ZNF418: variants seen among roughly 807,000 people sequenced by gnomAD.
ZNF418 encodes the protein zinc finger protein 418.
Under a neutral mutation model 32.0 loss-of-function variants are expected in ZNF418, and 32 were observed. That is an observed-to-expected ratio of 1.00 (90% CI 0.75 to 1.34). The LOEUF is 1.34. Among genes scored for constraint, ZNF418 ranks in the 40% most tolerant of loss-of-function variants. The probability of loss-of-function intolerance (pLI) is 0.00; values close to 1 mark genes in which losing one functional copy is unlikely to be tolerated. For missense variants in ZNF418, 804 were observed against 812.5 expected (o/e 0.99, Z 0.13); for synonymous variants, 276 against 270.7 (o/e 1.02, Z -0.19).
At position 57,926,395 on chromosome 19, in the gene ZNF418, A is replaced by G; in HGVS notation, c.1786T>C (p.Cys596Arg). The change falls in exon 4 of 6, where the codon TGT becomes CGT. Residue 596 changes from cysteine to arginine, a missense_variant. Cys to Arg is a radical substitution (Grantham distance 180). Around this residue, in one of 3 missense-constraint regions of ZNF418, gnomAD observed 475 missense variants for 458.6 expected, o/e 1.04. Coordinates refer to ENST00000396147, the MANE Select transcript of ZNF418 (RefSeq NM_133460.3). ...GACCTTCGAGTAAATGTTTTTCCACATTCCCTGCATTCATAAGGCCTTTCT... is the reference window on the plus strand; with the variant it reads ...GACCTTCGAGTAAATGTTTTTCCACGTTCCCTGCATTCATAAGGCCTTTCT... ...TGERPYECRE[C>R]GKTFTRRSAH... 6.2e-7 allele frequency: 1 copy of G among 1,613,126 alleles called. No homozygotes were observed. The highest frequency in any genetic ancestry group is 8.5e-7 in the Non-Finnish European group (1 of 1,179,280).
chr19:57,929,068 C>T (rs763703409), intron 3 of ZNF418, among the ~76,000 whole-genome samples: 8 of 152,056 alleles, frequency 5.3e-5, no homozygotes, highest in Non-Finnish European at 7.4e-5. Flanking sequence ...ATGCCAGTAT[C>T]GGACAGCACT....
chr19:57,932,544 CTATTCCACTTCTG>C, intron 2 of ZNF418: 5 of 1,535,154 alleles, frequency 3.3e-6, no homozygotes, highest in Non-Finnish European at 3.5e-6. Context: ...ATCCATGGCC[CTATTCCACTTCTG>C]TGTTGCACTT....
rs1462260332 is a variant in ZNF418 at position 57,927,603 on chromosome 19, TCA to T, written c.576_577del (p.Cys192Ter). On this transcript the variant is annotated stop_gained and frameshift_variant, in exon 4 of 6. Transcript: ENST00000396147. LOFTEE classifies it high-confidence loss of function. The stretch of plus-strand genomic sequence containing the variant: ...AGTATCTCCCCACTGAAAGGGAGAC[TCA>T]CACTCAGGTTTGCTGTTTGACTTCT... 2.5e-6 allele frequency: 4 copies of T among 1,614,108 alleles called. No individual in the cohort carries two copies. In the South Asian group the frequency reaches 4.4e-5, roughly 18 times the overall value.
intron 1 of ZNF418, 74 bp downstream of exon 1, chr19:57,935,087 C>G: frequency 7.6e-7 from 1 of 1,313,342 alleles, no homozygotes; most frequent in South Asian, 1.5e-5. Flanking sequence ...GACCTGTGAA[C>G]AGTCGCCGCT....
In ZNF418 at chr19:57,927,138, C is replaced by T; in HGVS notation, c.1043G>A (p.Gly348Glu). 2 of 1,614,138 alleles carry T rather than the reference C, an allele frequency of 1.2e-6. No individual in the cohort carries two copies. Among genetic ancestry groups the T allele is most frequent in the Non-Finnish European group, 1.7e-6 (2 of 1,180,032 alleles). Residue 348 changes from glycine to glutamate, a missense_variant, in exon 4 of 6, where the codon GGG becomes GAG. Coordinates refer to ENST00000396147, the MANE Select transcript of ZNF418 (RefSeq NM_133460.3). ...ATTGCCCTTCTGAGTAAAACATTTC[C>T]CACATTCTTCACACTCATAAGGTCT... ...GERPYECEEC[G>E]KCFTQKGNLI...
rs186200644 is a variant in ZNF418, at chr19:57,930,453, C to T, written c.108G>A (p.Glu36=). The change falls in exon 3 of 6, where the codon GAG becomes GAA. Residue 36 remains glutamate (E), a synonymous_variant. Transcript: ENST00000396147. The part of the protein sequence containing the change: ...QRCLYHDVML[E]NWVLISSLGC... ...CCAGGGAGGATATAAGTACCCAGTT[C>T]TCCAGCATCACGTCATGGTAAAGGC... 74 of 1,614,150 alleles carry T rather than the reference C, an allele frequency of 4.6e-5. No homozygotes were observed. The African/African-American group carries it at 7.3e-4, about 16-fold the overall frequency.
intron 2 of ZNF418, among the ~76,000 whole-genome samples, chr19:57,930,774 G>A (rs2072453606): frequency 6.6e-6 from 1 of 152,018 alleles, no homozygotes. Context: ...GATCTATGCT[G>A]TGCTTGTTTT....
intron 2 of ZNF418, chr19:57,932,547 T>C (rs1600184634): frequency 6.5e-7 from 1 of 1,535,084 alleles, no homozygotes; most frequent in East Asian, 2.4e-5. Context: ...CATGGCCCTA[T>C]TCCACTTCTG....
In ZNF418 at chr19:57,922,463, A is replaced by T. The variant is rs1258242150; in HGVS notation, c.*792T>A. On this transcript the variant is annotated 3_prime_UTR_variant, in exon 6 of 6. Transcript: ENST00000396147. ...GGAGTTACCAATTCAACACATATTT[A>T]CCCATGACTTCCACGGTGGCTCTTC... 2.5e-6 allele frequency: 1 copy of T among 397,504 alleles called. No homozygotes were observed. The highest frequency in any genetic ancestry group is 4.4e-6 in the Non-Finnish European group (1 of 225,558). 24.6% of individuals were successfully genotyped at this position (397,504 alleles called of 1,614,324 possible). A position where few individuals can be genotyped will look rare whatever the true frequency, so the allele number is the denominator to read the frequency against.
rs1038124704 is a variant in ZNF418, at chr19:57,922,884, T to C, written c.*626-255A>G. On this transcript the variant is annotated intron_variant, in intron 5 of 5. Transcript: ENST00000396147. ...GTGCGTGGTGGCACATGCCTGTCCCTAGCAACTTGGGAGGCTGAGGTGGGA... is the reference window on the plus strand; with the variant it reads ...GTGCGTGGTGGCACATGCCTGTCCCCAGCAACTTGGGAGGCTGAGGTGGGA... Among the ~76,000 whole-genome samples the C allele has an allele frequency of 7.3e-5, 11 of 151,252 alleles. No individual in the cohort carries two copies. In the East Asian group the frequency reaches 1.2e-3, roughly 16 times the overall value.
chr19:57,930,930 C>T (rs141247000), intron 2 of ZNF418, among the ~76,000 whole-genome samples: 62 of 152,216 alleles, frequency 4.1e-4, no homozygotes, highest in African/African-American at 1.4e-3. Context: ...GCACCCACCA[C>T]CACTTCTGGC....
At chr19:57,933,765 C>G in intron 2 of ZNF418, 52 bp downstream of exon 2, 2 of 1,608,922 alleles carry the variant, frequency 1.2e-6, no homozygotes, top group Non-Finnish European at 1.7e-6. Flanking sequence ...AACTGTGAAT[C>G]TTGAATCCAG....
In ZNF418 at chr19:57,927,583, C is replaced by A; in HGVS notation, c.598G>T (p.Asp200Tyr). Residue 200 changes from aspartate to tyrosine, a missense_variant, in exon 4 of 6, where the codon GAT becomes TAT. Physicochemically the swap from Asp to Tyr is radical, Grantham distance 160 (BLOSUM62 -3). Around this residue, in one of 3 missense-constraint regions of ZNF418, gnomAD observed 307 missense variants for 304.9 expected, o/e 1.01. Transcript: ENST00000396147. ...PECESPFQWG[D>Y]THYSCGECMK... ...CATTCTCCACAGCTGTAATGAGTAT[C>A]TCCCCACTGAAAGGGAGACTCACAC... 6.2e-7 allele frequency: 1 copy of A among 1,614,174 alleles called. No individual in the cohort carries two copies. Among genetic ancestry groups the A allele is most frequent in the Non-Finnish European group, 8.5e-7 (1 of 1,180,026 alleles).
intron 4 of ZNF418, among the ~76,000 whole-genome samples, chr19:57,924,396 C>T (rs1023304544): frequency 6.6e-6 from 1 of 152,170 alleles, no homozygotes; most frequent in South Asian, 2.1e-4. Context: ...TTGAGGTGAA[C>T]AGCCGAGAAA....
intron 3 of ZNF418, among the ~76,000 whole-genome samples, chr19:57,930,078 T>C (rs1600177935): frequency 6.6e-6 from 1 of 152,140 alleles, no homozygotes; most frequent in South Asian, 2.1e-4. Context: ...AGGCATCAAG[T>C]AATGTCAGCT....
rs142966247 is a variant in ZNF418 at position 57,922,146 on chromosome 19, G to C, written c.*1109C>G. 7.6e-3 allele frequency: 1,165 copies of C among 153,896 alleles called. 9 individuals carry two copies. Among genetic ancestry groups the C allele is most frequent in the Non-Finnish European group, 0.011 (780 of 69,196 alleles). 9.5% of individuals were successfully genotyped at this position (153,896 alleles called of 1,614,324 possible). A position where few individuals can be genotyped will look rare whatever the true frequency, so the allele number is the denominator to read the frequency against. On this transcript the variant is annotated 3_prime_UTR_variant, in exon 6 of 6. Transcript: ENST00000396147. ...CTTAGACCACAGGGTCATTCTTAGGGTGTGCTTGAGTTACTGCTGTCAGAT... is the reference window on the plus strand; with the variant it reads ...CTTAGACCACAGGGTCATTCTTAGGCTGTGCTTGAGTTACTGCTGTCAGAT...
At chr19:57,932,708 C>A (rs1157670069) in intron 2 of ZNF418, 3 of 1,221,532 alleles carry the variant, frequency 2.5e-6, no homozygotes, top group Non-Finnish European at 2.2e-6. Flanking sequence ...AGCTGTCCAC[C>A]CCAGGCCCAA....
intron 2 of ZNF418, 25 bp from the exon 3 acceptor site, chr19:57,930,579 C>T (rs1385110199): frequency 6.2e-7 from 1 of 1,613,602 alleles, no homozygotes; most frequent in East Asian, 2.2e-5. Context: ...ACAGATGAAA[C>T]CACAAACAGC....
chr19:57,933,853 T>TCCTCCTC lies in ZNF418; in HGVS notation c.-38_-32dup. The stretch of plus-strand genomic sequence containing the variant: ...CAGGAGTTTAAACTCTGATCCTCCT[T>TCCTCCTC]CCTCCTCCCTCAAACACAGTGTGTT... On this transcript the variant is annotated 5_prime_UTR_variant, in exon 2 of 6. The change creates a premature stop within an existing upstream ORF in the 5' untranslated region. Coordinates refer to ENST00000396147, the MANE Select transcript of ZNF418 (RefSeq NM_133460.3). 6.2e-7 allele frequency: 1 copy of TCCTCCTC among 1,614,076 alleles called. No homozygotes were observed. The highest frequency in any genetic ancestry group is 8.5e-7 in the Non-Finnish European group (1 of 1,180,034).
Sources: allele counts gnomAD v4.1 joint callset (sites outside exome capture counted in the v4.1 genomes callset), GRCh38; gene constraint gnomAD v4.1.1; regional missense constraint gnomAD v4.1.1; transcripts MANE v1.5; gene names NCBI Gene and HGNC (gene_info 2026-07-23, HGNC 2026-07-21).